Variants in STRN3 observed in about 807,000 individuals in gnomAD.
The protein encoded by STRN3 is striatin-3.
Under a neutral mutation model 95.6 loss-of-function variants are expected in STRN3, and 29 were observed. That is an observed-to-expected ratio of 0.30 (90% CI 0.23 to 0.41). The LOEUF (loss-of-function observed/expected upper bound fraction) is 0.41, where lower values mean the gene tolerates loss of function less well. Ranked by LOEUF, STRN3 falls within the 10% of genes least tolerant of loss-of-function variation. The probability of loss-of-function intolerance (pLI) is 1.00; values close to 1 mark genes in which losing one functional copy is unlikely to be tolerated. For synonymous variants in STRN3, 331 were observed against 357.6 expected, an observed-to-expected ratio of 0.93 and a Z score of 0.84; for missense variants, 890 against 972.1, an observed-to-expected ratio of 0.92 and a Z score of 1.12.
intron 1 of STRN3, among the ~76,000 whole-genome samples, chr14:31,023,680 C>G (rs1883620078): frequency 6.6e-6 from 1 of 152,118 alleles, no homozygotes; most frequent in Non-Finnish European, 1.5e-5. Context: ...TAAAAATCCA[C>G]TGATGCTTCA....
At position 30,993,153 on chromosome 14, in the gene STRN3, A is replaced by G. The variant is rs145293806; in HGVS notation, c.282+32751T>C. Among the ~76,000 whole-genome samples, 431 of 151,880 alleles carry G rather than the reference A, an allele frequency of 2.8e-3. 3 individuals carry two copies. Among genetic ancestry groups the G allele is most frequent in the Non-Finnish European group, 5.2e-3 (354 of 67,956 alleles). On this transcript the variant is annotated intron_variant, in intron 1 of 17. Transcript: ENST00000357479. ...GCATGTGCCTATAGTCCCAGCTATT[A>G]TACTTGGCAGGTTGATGCAGGAGCC...
Position 30,942,253 on chromosome 14 carries a change from C to T in STRN3, c.716+4837G>A, listed in dbSNP as rs142045671. 3.2e-4 allele frequency among the ~76,000 whole-genome samples: 48 copies of T among 152,202 alleles called. No individual in the cohort carries two copies. In the East Asian group the frequency reaches 9.1e-3, roughly 29 times the overall value. Reference sequence around the variant, plus strand: ...TTCTTTTGTGTTAATGCATCTTAAGCCCTTCACTGTCCTTTAGCAAAATTT... The same window carrying T: ...TTCTTTTGTGTTAATGCATCTTAAGTCCTTCACTGTCCTTTAGCAAAATTT... On this transcript the variant is annotated intron_variant, in intron 5 of 17. Coordinates refer to ENST00000357479, the MANE Select transcript of STRN3 (RefSeq NM_001083893.2).
chr14:30,980,167 C>T (rs1489455700), intron 1 of STRN3, among the ~76,000 whole-genome samples: 1 of 151,780 alleles, frequency 6.6e-6, no homozygotes, highest in Non-Finnish European at 1.5e-5. Context: ...ACTGCTTGAG[C>T]CCAAGAGGCG....
At chr14:30,979,149 A>G (rs1881263645) in intron 1 of STRN3, among the ~76,000 whole-genome samples, 1 of 152,086 alleles carries the variant, frequency 6.6e-6, no homozygotes, top group Admixed American at 6.6e-5. Flanking sequence ...TTAGATTTTG[A>G]AAGTCAAAAC....
chr14:31,017,332 T>C (rs1343622698), intron 1 of STRN3, among the ~76,000 whole-genome samples: 2 of 150,582 alleles, frequency 1.3e-5, no homozygotes, highest in East Asian at 4.0e-4. Flanking sequence ...ACCCCGTCTC[T>C]ACTAAAAATA....
At chr14:30,900,359 CAAA>C (rs559429217) in intron 16 of STRN3, among the ~76,000 whole-genome samples, 2 of 53,920 alleles carry the variant, frequency 3.7e-5, no homozygotes, top group Admixed American at 2.6e-4. Context: ...AACTCCATCT[CAAA>C]AAAAAAAAAA....
At chr14:30,992,551 G>A (rs879150275) in intron 1 of STRN3, among the ~76,000 whole-genome samples, 2 of 128,822 alleles carry the variant, frequency 1.6e-5, no homozygotes, top group South Asian at 2.7e-4. Flanking sequence ...CACAGTGCCC[G>A]GCCCCTGTCT....
intron 1 of STRN3, among the ~76,000 whole-genome samples, chr14:30,974,853 A>C (rs1881012285): frequency 6.6e-6 from 1 of 151,884 alleles, no homozygotes; most frequent in Non-Finnish European, 1.5e-5. Context: ...CATTGCCAAA[A>C]AATGCTAACA....
chr14:30,932,840 T>C (rs1053685484), intron 7 of STRN3, among the ~76,000 whole-genome samples: 16 of 152,242 alleles, frequency 1.1e-4, no homozygotes, highest in Non-Finnish European at 1.9e-4. Flanking sequence ...GGAATGAATA[T>C]GTGTCAAGAT....
At chr14:30,960,779 G>C (rs562932682) in intron 1 of STRN3, among the ~76,000 whole-genome samples, 1 of 142,898 alleles carries the variant, frequency 7.0e-6, no homozygotes, top group Admixed American at 7.6e-5. Flanking sequence ...TGAGTCAGGA[G>C]AATGGCGTGA....
At chr14:30,986,225 A>G (rs1881684943) in intron 1 of STRN3, among the ~76,000 whole-genome samples, 1 of 151,786 alleles carries the variant, frequency 6.6e-6, no homozygotes, top group Non-Finnish European at 1.5e-5. Context: ...AATGCTGAGA[A>G]CAACCAAAGC....
intron 8 of STRN3, among the ~76,000 whole-genome samples, chr14:30,923,128 A>G (rs367708994): frequency 2.0e-4 from 31 of 152,344 alleles, no homozygotes; most frequent in African/African-American, 2.4e-4. Flanking sequence ...TAGCTTAATC[A>G]TAACAGATAA....
At chr14:30,914,829 A>G (rs1896696428) in intron 9 of STRN3, among the ~76,000 whole-genome samples, 1 of 152,220 alleles carries the variant, frequency 6.6e-6, no homozygotes, top group Non-Finnish European at 1.5e-5. Context: ...TCTCAACTAT[A>G]TCATGTGCAT....
intron 1 of STRN3, among the ~76,000 whole-genome samples, chr14:31,003,989 C>A (rs1044714745): frequency 6.6e-6 from 1 of 151,510 alleles, no homozygotes; most frequent in African/African-American, 2.4e-5. Context: ...CTCATCTCAA[C>A]AAAGAAGTTT....
chr14:31,022,809 C>T (rs929980430), intron 1 of STRN3, among the ~76,000 whole-genome samples: 9 of 152,112 alleles, frequency 5.9e-5, no homozygotes, highest in Admixed American at 5.9e-4. Flanking sequence ...CTAAATTTGT[C>T]TCCTCACCTG....
At position 30,929,954 on chromosome 14, in the gene STRN3, C is replaced by CAAAAAAAAA. The variant is rs1191963792; in HGVS notation, c.989-652_989-644dup. 3.0e-3 allele frequency among the ~76,000 whole-genome samples: 119 copies of CAAAAAAAAA among 39,956 alleles called. 18 individuals are homozygous for CAAAAAAAAA. The highest frequency in any genetic ancestry group is 0.04 in the Middle Eastern group (2 of 50). 26.2% of individuals were successfully genotyped at this position (39,956 alleles called of 152,430 possible). ...TCCATTGGTCTACAACTAAGATTAG[C>CAAAAAAAAA]AAAAAAAAAAAAAAAAAAAAAAAAA... On this transcript the variant is annotated intron_variant, in intron 7 of 17. Coordinates refer to ENST00000357479, the MANE Select transcript of STRN3 (RefSeq NM_001083893.2).
At chr14:30,927,727 G>C (rs191079135) in intron 8 of STRN3, among the ~76,000 whole-genome samples, 10 of 151,572 alleles carry the variant, frequency 6.6e-5, no homozygotes, top group Admixed American at 2.6e-4. Context: ...AGGAGATTGA[G>C]ACCATCCTGG....
At chr14:30,918,551 C>CT (rs1896799811) in intron 9 of STRN3, among the ~76,000 whole-genome samples, 1 of 151,944 alleles carries the variant, frequency 6.6e-6, no homozygotes, top group Non-Finnish European at 1.5e-5. Context: ...AGCACAATGC[C>CT]TGGCACCATA....
rs368768459 is a variant in STRN3 at position 30,906,943 on chromosome 14, C to T, written c.1822G>A (p.Gly608Ser). The T allele has an allele frequency of 2.5e-6, 4 of 1,613,788 alleles. No individual in the cohort carries two copies. The highest frequency in any genetic ancestry group is 1.7e-6 in the Non-Finnish European group (2 of 1,179,894). The change falls in exon 14 of 18, where the codon GGC (glycine) becomes AGC (serine). Residue 608 changes from glycine to serine, a missense_variant. Gly to Ser is a moderately conservative substitution (Grantham distance 56). Coordinates refer to ENST00000357479, the MANE Select transcript of STRN3 (RefSeq NM_001083893.2). ...KNQLLSCSAD[G>S]TVRLWNPQEK... ...TGTGGATTCCATAACCTAACAGTGCCATCTGCTGAACAAGACAGTAATTGA... is the reference window on the plus strand; with the variant it reads ...TGTGGATTCCATAACCTAACAGTGCTATCTGCTGAACAAGACAGTAATTGA...
Sources: allele counts gnomAD v4.1 joint callset (sites outside exome capture counted in the v4.1 genomes callset), GRCh38; gene constraint gnomAD v4.1.1; transcripts MANE v1.5; gene names NCBI Gene and HGNC (gene_info 2026-07-23, HGNC 2026-07-21).